Variants in AMOTL2 observed in about 807,000 individuals in gnomAD.
The protein encoded by AMOTL2 is angiomotin like 2.
In AMOTL2, 33 loss-of-function variants were observed where a neutral mutation model predicts 78.4. The observed-to-expected ratio is 0.42, with a 90% confidence interval of 0.32 to 0.56. The LOEUF (loss-of-function observed/expected upper bound fraction) is 0.56. Ranked by LOEUF, AMOTL2 falls within the 20% of genes least tolerant of loss-of-function variation. The probability of loss-of-function intolerance (pLI) is 0.12; values close to 1 mark genes in which losing one functional copy is unlikely to be tolerated. For synonymous variants in AMOTL2, 422 were observed against 428.8 expected (o/e 0.98, Z 0.20); for missense variants, 983 against 1,030.1 (o/e 0.95, Z 0.63).
chr3:134,358,277 C>T (rs988399096), intron 9 of AMOTL2, among the ~76,000 whole-genome samples: 1 of 152,222 alleles, frequency 6.6e-6, no homozygotes, highest in East Asian at 1.9e-4. Context: ...GCTAAAGTGC[C>T]TCCCATCTGG....
At chr3:134,360,609 G>C (rs1269462180) in intron 6 of AMOTL2, among the ~76,000 whole-genome samples, 196 bp from the exon 7 acceptor site, 1 of 152,200 alleles carries the variant, frequency 6.6e-6, no homozygotes, top group African/African-American at 2.4e-5. Flanking sequence ...CCTAGGGCAA[G>C]GGCATAGAGA....
chr3:134,374,600 T>C (rs1311464721), upstream of AMOTL2: 18 of 985,040 alleles, frequency 1.8e-5, no homozygotes, highest in Non-Finnish European at 2.2e-5. Flanking sequence ...CTCCGCCTTC[T>C]CCCGCTCCCT....
intron 1 of AMOTL2, chr3:134,373,951 C>T (rs546175144): frequency 1.8e-6 from 1 of 557,362 alleles, no homozygotes; most frequent in East Asian, 1.5e-4. Context: ...CCTGTAACCC[C>T]CACCTAACCA....
Position 134,370,906 on chromosome 3 carries a change from G to C in AMOTL2, c.528C>G (p.Ser176Arg). Residue 176 changes from serine to arginine, a missense_variant, in exon 2 of 10, where the codon AGC becomes AGG. By Grantham distance (110) the Ser-to-Arg change is moderately radical. Transcript: ENST00000249883. ...GGAAGCTGTGGGAGGAGCTCATGTG[G>C]CTGGGGGCCCGGGCGCCGTTCCTCT... is the stretch of plus-strand genomic sequence containing the variant. ...SLERNGARAP[S>R]HMSSSHSFPQ... The C allele has an allele frequency of 6.2e-7, 1 of 1,612,482 alleles. No individual in the cohort carries two copies. The highest frequency in any genetic ancestry group is 8.5e-7 in the Non-Finnish European group (1 of 1,179,484).
intron 3 of AMOTL2, among the ~76,000 whole-genome samples, chr3:134,367,165 C>T (rs1400428604): frequency 6.6e-6 from 1 of 152,164 alleles, no homozygotes; most frequent in Non-Finnish European, 1.5e-5. Flanking sequence ...ACACAAAGGG[C>T]TCTCTGTGGG....
Position 134,359,417 on chromosome 3 carries a change from G to C in AMOTL2, c.1970C>G (p.Ala657Gly). The C allele has an allele frequency of 6.2e-7, 1 of 1,614,194 alleles. No individual in the cohort carries two copies. Among genetic ancestry groups the C allele is most frequent in the Non-Finnish European group, 8.5e-7 (1 of 1,180,028 alleles). ...GGCAGGCCGCAGGGAGCCCTGGATG[G>C]CCTTGCCAGGGTCTCTCCTGGAGCG... Reference protein sequence around the residue: ...QQRSRRDPGKAIQGSLRPAKS... With the variant: ...QQRSRRDPGKGIQGSLRPAKS... Residue 657 changes from alanine to glycine, a missense_variant, in exon 8 of 10, where the codon GCC becomes GGC. By Grantham distance (60) the Ala-to-Gly change is moderately conservative (BLOSUM62 0). Coordinates refer to ENST00000249883, the MANE Select transcript of AMOTL2 (RefSeq NM_016201.4).
chr3:134,360,247 T>C lies in AMOTL2; in HGVS notation c.1742A>G (p.Gln581Arg). The C allele has an allele frequency of 6.2e-7, 1 of 1,614,206 alleles. No homozygotes were observed. Residue 581 changes from glutamine (Q) to arginine (R), a missense_variant, in exon 7 of 10, where the codon CAG becomes CGG. Coordinates refer to ENST00000249883, the MANE Select transcript of AMOTL2 (RefSeq NM_016201.4). ...CGTGGCAGCCGCATCCATGGCAAAC[T>C]GCCTCATGGCACGTTCCTCCAAATA... ...QKYLEERAMRQFAMDAAATAA... is the reference protein window; with the variant it reads ...QKYLEERAMRRFAMDAAATAA...
chr3:134,372,558 A>ACACACACACAAACAC (rs1553723538), intron 1 of AMOTL2, among the ~76,000 whole-genome samples: 1 of 46,616 alleles, frequency 2.1e-5, no homozygotes, highest in African/African-American at 9.7e-5. Flanking sequence ...CACACACACA[A>ACACACACACAAACAC]ACACACACAC....
intron 8 of AMOTL2, 109 bp downstream of exon 8, chr3:134,359,174 G>T (rs2017222945): frequency 8.1e-7 from 1 of 1,236,546 alleles, no homozygotes; most frequent in African/African-American, 1.5e-5. Context: ...AGAGGGTCAG[G>T]AAGCCCTGGC....
intron 1 of AMOTL2, chr3:134,374,098 C>T: frequency 2.1e-6 from 1 of 481,824 alleles, no homozygotes; most frequent in Non-Finnish European, 2.7e-6. Flanking sequence ...CCCCTCTCCC[C>T]CAGCCCCAAG....
chr3:134,375,052 C>T, upstream of AMOTL2: 1 of 1,461,050 alleles, frequency 6.8e-7, no homozygotes, highest in Non-Finnish European at 9.0e-7. Context: ...TTTCCCCTAA[C>T]CCCCGCTGTT....
chr3:134,373,539 C>G, intron 1 of AMOTL2: 1 of 985,644 alleles, frequency 1.0e-6, no homozygotes, highest in Non-Finnish European at 1.2e-6. Flanking sequence ...GCCCGCTGCG[C>G]TCTCTGAAGG....
At chr3:134,374,901 CTGTGTG>C (rs749884597), upstream of AMOTL2, 71 of 1,170,070 alleles carry the variant, frequency 6.1e-5, no homozygotes, top group Admixed American at 8.3e-5. Context: ...GGGACTCCGG[CTGTGTG>C]TGTGTGTGTG....
At chr3:134,371,669 T>G (rs975484241) in intron 1 of AMOTL2, 175 bp from the exon 2 acceptor site, 13 of 1,001,618 alleles carry the variant, frequency 1.3e-5, no homozygotes, top group Non-Finnish European at 1.5e-5. Context: ...ATCTACTGAT[T>G]AAGACAAGTT....
chr3:134,368,312 T>C (rs1012877910), intron 2 of AMOTL2, among the ~76,000 whole-genome samples: 3 of 151,814 alleles, frequency 2.0e-5, no homozygotes, highest in Non-Finnish European at 4.4e-5. Flanking sequence ...ATTACACGAG[T>C]CGCCAGTTTC....
chr3:134,363,165 T>C (rs577808036), intron 5 of AMOTL2, among the ~76,000 whole-genome samples: 1 of 152,232 alleles, frequency 6.6e-6, no homozygotes, highest in African/African-American at 2.4e-5. Flanking sequence ...GACCTTGGCA[T>C]GTGGAAGGGA....
In AMOTL2 at chr3:134,374,439, C is replaced by G. The variant is rs987259143; in HGVS notation, c.-159G>C. ...GAAGATGTGTTCTCGGCCGTGGCGC[C>G]GACGCTCTGGCTGTTCGCGCCCCAG... On this transcript the variant is annotated 5_prime_UTR_variant, in exon 1 of 10. Transcript: ENST00000249883. 16 of 985,400 alleles carry G rather than the reference C, an allele frequency of 1.6e-5. No homozygotes were observed. The highest frequency in any genetic ancestry group is 5.2e-5 in the African/African-American group (3 of 57,242). 61.0% of individuals were successfully genotyped at this position (985,400 alleles called of 1,614,324 possible).
In AMOTL2 at chr3:134,367,687, G is replaced by A. The variant is rs1331531302; in HGVS notation, c.851C>T (p.Pro284Leu). 14 of 1,613,362 alleles carry A rather than the reference G, an allele frequency of 8.7e-6. No homozygotes were observed. The highest frequency in any genetic ancestry group is 1.3e-5 in the African/African-American group (1 of 74,900). ...AGCAGGTGGACTGAGGGAGCTCAGGGGGCCATGGCCGAGAGCAGCTGGATG... is the reference window on the plus strand; with the variant it reads ...AGCAGGTGGACTGAGGGAGCTCAGGAGGCCATGGCCGAGAGCAGCTGGATG... Reference protein sequence around the residue: ...PPHPAALGHGPLSSLSPPAVE... With the variant: ...PPHPAALGHGLLSSLSPPAVE... Residue 284 changes from proline (P) to leucine (L), a missense_variant, in exon 3 of 10, where the codon CCC (proline) becomes CTC (leucine). Transcript: ENST00000249883.
intron 9 of AMOTL2, among the ~76,000 whole-genome samples, chr3:134,358,191 G>A (rs952695568): frequency 5.9e-5 from 9 of 152,104 alleles, no homozygotes; most frequent in East Asian, 1.9e-4. Flanking sequence ...GAGTGCCATC[G>A]GCATGACTTG....
Sources: allele counts gnomAD v4.1 joint callset (sites outside exome capture counted in the v4.1 genomes callset), GRCh38; gene constraint gnomAD v4.1.1; transcripts MANE v1.5; gene names NCBI Gene and HGNC (gene_info 2026-07-23, HGNC 2026-07-21).